The following MRC1 variants were observed in gnomAD, a reference collection of about 807,000 sequenced individuals.
MRC1 encodes the protein mannose receptor C-type 1.
In MRC1, 62 loss-of-function variants were observed where a neutral mutation model predicts 102.9. The observed-to-expected ratio is 0.60, with a 90% CI of 0.49 to 0.74. The LOEUF (loss-of-function observed/expected upper bound fraction) is 0.74. MRC1 is among the 30% of genes least tolerant of loss of function. The pLI, the probability that MRC1 is intolerant of heterozygous loss-of-function variation, is 0.00. For synonymous variants in MRC1, 457 were observed against 298.4 expected, an observed-to-expected ratio of 1.53 and a Z score of -5.48; for missense variants, 1,237 against 862.8, an observed-to-expected ratio of 1.43 and a Z score of -5.43.
rs1010722389 is a variant in MRC1, at chr10:17,827,569, A to G, written c.491A>G (p.Asn164Ser). ...ATGTATACGCTACTAGGCAATGCCA[A>G]TGGAGCAACCTGTGCATTCCCGTTC... ...EAMYTLLGNA[N>S]GATCAFPFKF... Residue 164 changes from asparagine (N) to serine (S), a missense_variant, in exon 3 of 30, where the codon AAT (asparagine) becomes AGT (serine). Asn to Ser is a conservative substitution (Grantham distance 46). Coordinates refer to ENST00000569591, the MANE Select transcript of MRC1 (RefSeq NM_002438.4). The G allele has an allele frequency of 1.2e-5, 9 of 780,700 alleles. No individual in the cohort carries two copies. The highest frequency in any genetic ancestry group is 2.7e-5 in the South Asian group (2 of 74,608). 48.4% of individuals were successfully genotyped at this position (780,700 alleles called of 1,614,324 possible). A position where few individuals can be genotyped will look rare whatever the true frequency, so the allele number is the denominator to read the frequency against.
chr10:17,873,175 A>C (rs1554841932), intron 15 of MRC1, among the ~76,000 whole-genome samples: 1 of 152,224 alleles, frequency 6.6e-6, no homozygotes. Flanking sequence ...TATATCATTA[A>C]CTAATTGGAA....
rs934602829 is a variant in MRC1 at position 17,853,606 on chromosome 10, A to G, written c.1407+482A>G. ...TGTGTGTGTGTGTGTGTGTGTATATATATATATATGTAAAAAGAGATTGTA... is the reference window on the plus strand; with the variant it reads ...TGTGTGTGTGTGTGTGTGTGTATATGTATATATATGTAAAAAGAGATTGTA... On this transcript the variant is annotated intron_variant, in intron 8 of 29. Coordinates refer to ENST00000569591, the MANE Select transcript of MRC1 (RefSeq NM_002438.4). Among the ~76,000 whole-genome samples, 105 of 144,642 alleles carry G rather than the reference A, an allele frequency of 7.3e-4. 1 individual carries two copies. Among genetic ancestry groups the G allele is most frequent in the Middle Eastern group, 3.6e-3 (1 of 280 alleles). The allele number at this position is 144,642 out of a possible 152,430, so 94.9% of individuals were successfully genotyped here.
chr10:17,814,464 C>G (rs78708969), intron 1 of MRC1, among the ~76,000 whole-genome samples: 82,838 of 151,638 alleles, frequency 0.55, 23,534 homozygotes, highest in African/African-American at 0.7. Flanking sequence ...TTTAGAAATT[C>G]ACGGTAGCTT....
rs960974439 is a variant in MRC1, at chr10:17,830,477, A to G, written c.637+2762A>G. ...GCCTTAAAAGTGGCAGGTTTTATAC[A>G]GGAGGATGAGGAACCAGTTATTAAC... On this transcript the variant is annotated intron_variant, in intron 3 of 29. Coordinates refer to ENST00000569591, the MANE Select transcript of MRC1 (RefSeq NM_002438.4). Among the ~76,000 whole-genome samples the G allele has an allele frequency of 2.2e-3, 333 of 151,594 alleles. 13 individuals carry two copies. The highest frequency in any genetic ancestry group is 7.5e-3 in the African/African-American group (305 of 40,866).
intron 11 of MRC1, among the ~76,000 whole-genome samples, chr10:17,865,748 C>A (rs1833257518): frequency 1.3e-5 from 2 of 152,116 alleles, no homozygotes; most frequent in Non-Finnish European, 1.5e-5. Context: ...GAGAAGGAGA[C>A]AATCTTAGGA....
At chr10:17,809,652 C>A in intron 1 of MRC1, 126 bp downstream of exon 1, 1 of 781,242 alleles carries the variant, frequency 1.3e-6, no homozygotes, top group Non-Finnish European at 2.3e-6. Flanking sequence ...TCCCCTGCAC[C>A]ACGCAGTCCA....
chr10:17,896,548 A>G (rs1833758145), intron 23 of MRC1, among the ~76,000 whole-genome samples: 1 of 152,230 alleles, frequency 6.6e-6, no homozygotes, highest in African/African-American at 2.4e-5. Flanking sequence ...ATATGTTGCC[A>G]CAAATAAAAA....
intron 4 of MRC1, among the ~76,000 whole-genome samples, chr10:17,834,118 C>T (rs988069647): frequency 1.4e-3 from 217 of 152,294 alleles, no homozygotes; most frequent in South Asian, 8.3e-3. Context: ...ATGCCACAAT[C>T]GATTAATGAT....
chr10:17,903,559 C>G (rs1344622289), intron 26 of MRC1, among the ~76,000 whole-genome samples: 1 of 151,640 alleles, frequency 6.6e-6, no homozygotes, highest in African/African-American at 2.4e-5. Flanking sequence ...CCTTGCCCAG[C>G]TAATTTTTGT....
At chr10:17,903,382 C>CT (rs1210207060) in intron 26 of MRC1, among the ~76,000 whole-genome samples, 18,770 of 124,774 alleles carry the variant, frequency 0.15, 1,602 homozygotes, top group Non-Finnish European at 0.22. Context: ...TTTTTCTTTT[C>CT]TTTTTTTTTC....
chr10:17,893,717 A>G (rs1833713143), intron 22 of MRC1, among the ~76,000 whole-genome samples: 1 of 152,252 alleles, frequency 6.6e-6, no homozygotes, highest in African/African-American at 2.4e-5. Context: ...CTCCCCTGTA[A>G]GACTATAAAT....
At chr10:17,870,440 TTGTC>T in intron 13 of MRC1, 67 bp downstream of exon 13, 1 of 779,218 alleles carries the variant, frequency 1.3e-6, no homozygotes, top group East Asian at 2.4e-5. Flanking sequence ...TTGAGAAAAT[TTGTC>T]TGTTTCTGAA....
chr10:17,874,368 C>G (rs1833396857), intron 16 of MRC1, among the ~76,000 whole-genome samples: 2 of 152,152 alleles, frequency 1.3e-5, no homozygotes, highest in Non-Finnish European at 2.9e-5. Context: ...GATCACATTG[C>G]CTCCTTCTCT....
At chr10:17,840,065 CAA>C (rs35908194) in intron 4 of MRC1, among the ~76,000 whole-genome samples, 4 of 103,108 alleles carry the variant, frequency 3.9e-5, no homozygotes, top group East Asian at 2.8e-4. Context: ...GACTCCAACT[CAA>C]AAAAAAAAAA....
intron 12 of MRC1, among the ~76,000 whole-genome samples, chr10:17,867,325 T>G (rs1171318489): frequency 6.9e-6 from 1 of 144,108 alleles, no homozygotes; most frequent in African/African-American, 2.5e-5. Context: ...CCTTCCTTCT[T>G]CTTCTTCTTC....
chr10:17,833,615 T>A, intron 3 of MRC1, 60 bp from the exon 4 acceptor site: 1 of 780,184 alleles, frequency 1.3e-6, no homozygotes, highest in Non-Finnish European at 2.4e-6. Flanking sequence ...TAAATAATAC[T>A]ATTCACTGGA....
chr10:17,821,831 G>A (rs1286301906), intron 1 of MRC1, among the ~76,000 whole-genome samples: 1 of 152,128 alleles, frequency 6.6e-6, no homozygotes, highest in Non-Finnish European at 1.5e-5. Context: ...TAAAAATAAT[G>A]AGCTCATTTA....
chr10:17,817,749 G>C (rs1016654547), intron 1 of MRC1, among the ~76,000 whole-genome samples: 2 of 152,192 alleles, frequency 1.3e-5, no homozygotes, highest in South Asian at 4.1e-4. Context: ...CATCTTTGCC[G>C]TATTTCTGTT....
In MRC1 at chr10:17,910,245, C is replaced by T. The variant is rs1269160845; in HGVS notation, c.4151C>T (p.Pro1384Leu). ...ACAAGGAAGATGGACCCTTCTAAAC[C>T]GTCTTCCAACGTGGCCGGAGTAGTC... ...ADTRKMDPSKPSSNVAGVVII... is the reference protein window; with the variant it reads ...ADTRKMDPSKLSSNVAGVVII... The change falls in exon 30 of 30, where the codon CCG becomes CTG. Residue 1384 changes from proline to leucine, a missense_variant. By Grantham distance (98) the Pro-to-Leu change is moderately conservative. Coordinates refer to ENST00000569591, the MANE Select transcript of MRC1 (RefSeq NM_002438.4). 2.0e-5 allele frequency: 16 copies of T among 780,776 alleles called. No individual in the cohort carries two copies. Among genetic ancestry groups the T allele is most frequent in the South Asian group, 4.0e-5 (3 of 74,624 alleles). The allele number at this position is 780,776 out of a possible 1,614,324, so 48.4% of individuals were successfully genotyped here.
Sources: gnomAD v4.1 joint callset for allele counts (sites outside exome capture counted in the v4.1 genomes callset) on GRCh38, gnomAD v4.1.1 for gene constraint, MANE v1.5 for transcripts, NCBI Gene and HGNC (gene_info 2026-07-23, HGNC 2026-07-21) for gene names.